Variants in MEGF8 observed in about 807,000 individuals in gnomAD.
MEGF8 encodes the protein multiple EGF like domains 8.
In MEGF8, 156 loss-of-function variants were observed where a neutral mutation model predicts 302.9. That is an observed-to-expected ratio of 0.52 (90% CI 0.45 to 0.59). The LOEUF (loss-of-function observed/expected upper bound fraction) is 0.59. Among genes scored for constraint, MEGF8 ranks in the 20% least tolerant of loss-of-function variants. MEGF8 has a pLI of 0.00. For missense variants in MEGF8, 3,345 were observed against 3,964.5 expected (o/e 0.84, Z 4.20); for synonymous variants, 1,621 against 1,660.5 (o/e 0.98, Z 0.58).
At chr19:42,339,152 T>A (rs1267200299) in intron 8 of MEGF8, among the ~76,000 whole-genome samples, 1 of 152,132 alleles carries the variant, frequency 6.6e-6, no homozygotes, top group African/African-American at 2.4e-5. Flanking sequence ...CTTTATCCAG[T>A]CTATCATTGA....
chr19:42,327,354 G>A (rs1213065601), intron 1 of MEGF8, among the ~76,000 whole-genome samples: 1 of 152,244 alleles, frequency 6.6e-6, no homozygotes, highest in African/African-American at 2.4e-5. Flanking sequence ...CACATTAATA[G>A]TGAGAGACAA....
chr19:42,366,424 C>A (rs1313877196), intron 35 of MEGF8, among the ~76,000 whole-genome samples: 1 of 152,142 alleles, frequency 6.6e-6, no homozygotes, highest in Non-Finnish European at 1.5e-5. Flanking sequence ...TGGTCTCGAA[C>A]TCCTGACTTT....
rs750226491 is a variant in MEGF8 at position 42,369,769 on chromosome 19, C to T, written c.6834+46C>T. The T allele has an allele frequency of 5.8e-6, 9 of 1,540,926 alleles. No homozygotes were observed. Among genetic ancestry groups the T allele is most frequent in the Non-Finnish European group, 7.0e-6 (8 of 1,143,840 alleles). ...GACCCCCGACCCTGGGACCCAGGCC[C>T]TCACTTGCCTTCATCCCACGCTCAG... On this transcript the variant is annotated intron_variant, in intron 38 of 41. Coordinates refer to ENST00000251268, the MANE Select transcript of MEGF8 (RefSeq NM_001271938.2). The surrounding 1 kb of genome is among the most constrained non-coding windows in gnomAD (Gnocchi z 5.7).
At position 42,336,689 on chromosome 19, in the gene MEGF8, G is replaced by T; in HGVS notation, c.1245-118G>T. ...CACAGGGAACTTCTAGTTTGGAGGG[G>T]ACATAGAGTCAGTCATGGCCAGTCT... On this transcript the variant is annotated intron_variant, in intron 6 of 41. Transcript: ENST00000251268. This position sits in a 1 kb window ranked among gnomAD's most constrained non-coding sequence, Gnocchi z 4.8. 2 of 1,420,050 alleles carry T rather than the reference G, an allele frequency of 1.4e-6. No homozygotes were observed. The highest frequency in any genetic ancestry group is 9.4e-7 in the Non-Finnish European group (1 of 1,058,450). 88.0% of individuals were successfully genotyped at this position (1,420,050 alleles called of 1,614,324 possible).
At position 42,344,626 on chromosome 19, in the gene MEGF8, G is replaced by GCA. The variant is rs747829020; in HGVS notation, c.1934-42_1934-41dup. 6.4e-7 allele frequency: 1 copy of GCA among 1,573,926 alleles called. No individual in the cohort carries two copies. The highest frequency in any genetic ancestry group is 2.3e-5 in the East Asian group (1 of 44,244). ...AGTGGGCCGGCAGGAGGGGGCCAGA[G>GCA]CACTCCACACTGACCCACCGGCCCC... On this transcript the variant is annotated intron_variant, in intron 11 of 41. Transcript: ENST00000251268. This position sits in a 1 kb window ranked among gnomAD's most constrained non-coding sequence, Gnocchi z 4.5.
At position 42,354,129 on chromosome 19, in the gene MEGF8, T is replaced by G. The variant is rs181114000; in HGVS notation, c.4011+105T>G. 62 of 1,395,302 alleles carry G rather than the reference T, an allele frequency of 4.4e-5. No individual in the cohort carries two copies. The East Asian group carries it at 6.0e-4, about 14-fold the overall frequency. The allele number at this position is 1,395,302 out of a possible 1,614,324, so 86.4% of individuals were successfully genotyped here. A position where few individuals can be genotyped will look rare whatever the true frequency, so the allele number is the denominator to read the frequency against. ...ACCCTAGTATTGCTGTTTTTTTTTT[T>G]TTGTTTTTTTAATCCTTCAAAACCC... On this transcript the variant is annotated intron_variant, in intron 22 of 41. Transcript: ENST00000251268. This position sits in a 1 kb window ranked among gnomAD's most constrained non-coding sequence, Gnocchi z 4.3.
At position 42,353,655 on chromosome 19, in the gene MEGF8, A is replaced by C; in HGVS notation, c.3741A>C (p.Pro1247=). The C allele has an allele frequency of 1.3e-6, 2 of 1,579,932 alleles. No homozygotes were observed. Among genetic ancestry groups the C allele is most frequent in the Non-Finnish European group, 1.7e-6 (2 of 1,160,280 alleles). The change falls in exon 21 of 42, where the codon CCA becomes CCC. Residue 1247 remains proline (P), a synonymous_variant. Transcript: ENST00000251268. This position sits in a 1 kb window ranked among gnomAD's most constrained non-coding sequence, Gnocchi z 6.1. ...GTGCCCACTGCCAGCTCTGCTCCCC[A>C]GGCTATTATGGGGATCCCCGGTGAG... ...TEGAHCQLCS[P]GYYGDPRAGG...
At chr19:42,326,557 C>A in intron 1 of MEGF8, 127 bp downstream of exon 1, 2 of 1,394,694 alleles carry the variant, frequency 1.4e-6, no homozygotes, top group South Asian at 1.7e-5. Flanking sequence ...GCCTGACACC[C>A]AGGGTTGCAG....
At chr19:42,326,799 A>G (rs1372359371) in intron 1 of MEGF8, among the ~76,000 whole-genome samples, 2 of 147,206 alleles carry the variant, frequency 1.4e-5, no homozygotes, top group East Asian at 2.0e-4. Flanking sequence ...CTGGAGTGCA[A>G]TGGTACCAAC....
chr19:42,371,629 C>A, intron 41 of MEGF8, 147 bp downstream of exon 41: 1 of 1,153,610 alleles, frequency 8.7e-7, no homozygotes, highest in East Asian at 2.4e-5. Flanking sequence ...CAGACTGTTC[C>A]TGAGCCCCAT....
Position 42,372,730 on chromosome 19 carries a change from T to C in MEGF8, c.7269+1248T>C, listed in dbSNP as rs1263737049. The stretch of plus-strand genomic sequence containing the variant: ...CTCTGTTGCCCAGGCTGGAGTGCAG[T>C]GGTGGGATCTTTGCTCGAGGCAGCC... On this transcript the variant is annotated intron_variant, in intron 41 of 41. Coordinates refer to ENST00000251268, the MANE Select transcript of MEGF8 (RefSeq NM_001271938.2). 5.3e-5 allele frequency among the ~76,000 whole-genome samples: 8 copies of C among 152,242 alleles called. 2 individuals carry two copies. Among genetic ancestry groups the C allele is most frequent in the Admixed American group, 5.2e-4 (8 of 15,288 alleles).
At chr19:42,333,578 CT>C in intron 1 of MEGF8, 26 bp from the exon 2 acceptor site, 1 of 1,605,560 alleles carries the variant, frequency 6.2e-7, no homozygotes. Flanking sequence ...CGCTTTAGAG[CT>C]TGGTCCCTCT....
At position 42,358,139 on chromosome 19, in the gene MEGF8, A is replaced by T; in HGVS notation, c.5012-5A>T. ...CCCCCAGCCTGTCACCCTGCCCCTC[A>T]CCAGGTCTCTATGGTCACTCTGCTG... On this transcript the variant is annotated splice_region_variant and splice_polypyrimidine_tract_variant and intron_variant, in intron 28 of 41. Coordinates refer to ENST00000251268, the MANE Select transcript of MEGF8 (RefSeq NM_001271938.2). This position sits in a 1 kb window ranked among gnomAD's most constrained non-coding sequence, Gnocchi z 4.4. The T allele has an allele frequency of 6.4e-7, 1 of 1,569,320 alleles. No individual in the cohort carries two copies. The highest frequency in any genetic ancestry group is 8.6e-7 in the Non-Finnish European group (1 of 1,159,202).
At position 42,334,131 on chromosome 19, in the gene MEGF8, C is replaced by T. The variant is rs1363164396; in HGVS notation, c.476C>T (p.Ala159Val). The T allele has an allele frequency of 9.3e-6, 15 of 1,612,216 alleles. No homozygotes were observed. Among genetic ancestry groups the T allele is most frequent in the Non-Finnish European group, 1.3e-5 (15 of 1,179,752 alleles). The change falls in exon 3 of 42, where the codon GCC becomes GTC. Residue 159 changes from alanine to valine, a missense_variant. By Grantham distance (64) the Ala-to-Val change is moderately conservative. Coordinates refer to ENST00000251268, the MANE Select transcript of MEGF8 (RefSeq NM_001271938.2). ...HGQCQPPGVCACEPGWGGPDC... is the reference protein window; with the variant it reads ...HGQCQPPGVCVCEPGWGGPDC... ...CAGTGCCAGCCACCGGGTGTGTGTG[C>T]CTGCGAGCCGGGCTGGGGGGGTCCT...
intron 41 of MEGF8, among the ~76,000 whole-genome samples, chr19:42,373,459 G>T (rs1184126097): frequency 6.6e-6 from 1 of 151,954 alleles, no homozygotes; most frequent in Non-Finnish European, 1.5e-5. Flanking sequence ...AGAGTGCAGT[G>T]GTGCAATCTC....
rs778881742 is a variant in MEGF8 at position 42,353,699 on chromosome 19, CTG to C, written c.3761+25_3761+26del. 4 of 1,575,636 alleles carry C rather than the reference CTG, an allele frequency of 2.5e-6. No homozygotes were observed. Among genetic ancestry groups the C allele is most frequent in the Non-Finnish European group, 3.5e-6 (4 of 1,155,824 alleles). ...CGGTGAGCCAACGGGCCAGCCAGGG[CTG>C]GGTAGGGTGTGCTTGGGGACACAGT... is the stretch of plus-strand genomic sequence containing the variant. On this transcript the variant is annotated intron_variant, in intron 21 of 41. Transcript: ENST00000251268. The surrounding 1 kb of genome is among the most constrained non-coding windows in gnomAD (Gnocchi z 6.1).
At chr19:42,362,907 G>A (rs920730111) in intron 34 of MEGF8, 141 bp from the exon 35 acceptor site, 39 of 772,534 alleles carry the variant, frequency 5.0e-5, no homozygotes, top group Non-Finnish European at 6.6e-5. Flanking sequence ...TGATCTCTTG[G>A]GTCTGAGGGA....
chr19:42,331,572 CTTT>C (rs771047078), intron 1 of MEGF8, among the ~76,000 whole-genome samples: 1 of 145,086 alleles, frequency 6.9e-6, no homozygotes, highest in African/African-American at 2.5e-5. Context: ...GTCAACATTT[CTTT>C]TTTTTTTTTT....
In MEGF8 at chr19:42,352,923, C is replaced by G. The variant is rs1388874327; in HGVS notation, c.3351-5C>G. On this transcript the variant is annotated splice_polypyrimidine_tract_variant and splice_region_variant and intron_variant, in intron 19 of 41. Coordinates refer to ENST00000251268, the MANE Select transcript of MEGF8 (RefSeq NM_001271938.2). The surrounding 1 kb of genome is among the most constrained non-coding windows in gnomAD (Gnocchi z 4.4). ...GCTTTCCCCACCCCCAACACGGCCC[C>G]TCAGGTGCTTGGAGGACTGTGGCCA... The G allele has an allele frequency of 1.9e-6, 3 of 1,587,098 alleles. No homozygotes were observed. Among genetic ancestry groups the G allele is most frequent in the Non-Finnish European group, 2.6e-6 (3 of 1,167,536 alleles).
Sources: gnomAD v4.1 joint callset for allele counts (sites outside exome capture counted in the v4.1 genomes callset) on GRCh38, gnomAD v4.1.1 for gene constraint, Gnocchi (gnomAD v3.1) non-coding constraint, MANE v1.5 for transcripts, NCBI Gene and HGNC (gene_info 2026-07-23, HGNC 2026-07-21) for gene names.